CCDC3: variants seen among roughly 807,000 people sequenced by gnomAD.
CCDC3 encodes coiled-coil domain-containing protein 3.
A neutral mutation model predicts 21.4 loss-of-function variants in CCDC3; 24 were observed. The observed-to-expected ratio is 1.12, with a 90% CI of 0.81 to 1.58. CCDC3 has a LOEUF of 1.58. Among genes scored for constraint, CCDC3 ranks in the 40% most tolerant of loss-of-function variants. CCDC3 has a pLI of 0.00. For missense variants in CCDC3, 425 were observed against 360.9 expected, an observed-to-expected ratio of 1.18 and a Z score of -1.44; for synonymous variants, 186 against 166.0, an observed-to-expected ratio of 1.12 and a Z score of -0.93.
chr10:13,032,866 T>G (rs1055497657), intron 5 of CCDC3, among the ~76,000 whole-genome samples: 1 of 152,152 alleles, frequency 6.6e-6, no homozygotes, highest in African/African-American at 2.4e-5. Context: ...GGAAGAACAT[T>G]CCATGCTCGT....
intron 3 of CCDC3, among the ~76,000 whole-genome samples, chr10:13,088,481 T>C (rs548409401): frequency 6.6e-6 from 1 of 152,208 alleles, no homozygotes; most frequent in Non-Finnish European, 1.5e-5. Context: ...TTAGCACAAG[T>C]CTCCAAGGAG....
chr10:12,927,371 CTTAAAA>C (rs1190850750), intron 2 of CCDC3, among the ~76,000 whole-genome samples: 1 of 152,208 alleles, frequency 6.6e-6, no homozygotes, highest in Non-Finnish European at 1.5e-5. Flanking sequence ...CATTACCACA[CTTAAAA>C]TTAACAATTG....
intron 2 of CCDC3, among the ~76,000 whole-genome samples, chr10:12,954,822 A>G (rs954043610): frequency 1.3e-5 from 2 of 152,228 alleles, no homozygotes; most frequent in African/African-American, 4.8e-5. Context: ...GATATAACAC[A>G]TATTTTATAA....
chr10:13,074,201 A>C (rs1238149989), intron 3 of CCDC3: 3 of 139,532 alleles, frequency 2.2e-5, no homozygotes, highest in Admixed American at 1.5e-4. Flanking sequence ...CCTGTTGCCC[A>C]GGCTGGAGTG....
At chr10:12,909,035 G>A (rs1834222444) in intron 2 of CCDC3, among the ~76,000 whole-genome samples, 2 of 152,214 alleles carry the variant, frequency 1.3e-5, no homozygotes, top group African/African-American at 4.8e-5. Flanking sequence ...TGGTCTAGAT[G>A]CAAGGCTCCA....
intron 2 of CCDC3, chr10:13,098,710 A>ATTTTGTTTTTTTTTT (rs1832666858): frequency 1.5e-5 from 1 of 64,854 alleles, no homozygotes; most frequent in Non-Finnish European, 2.7e-5. Flanking sequence ...TCCTGCACTG[A>ATTTTGTTTTTTTTTT]TTTTTTTTTT....
chr10:13,056,547 C>T (rs1365638075), intron 4 of CCDC3, among the ~76,000 whole-genome samples: 2 of 152,142 alleles, frequency 1.3e-5, no homozygotes, highest in African/African-American at 2.4e-5. Context: ...AAGAGGAGGG[C>T]GAGTGCCTCA....
At chr10:12,939,248 C>G (rs886163964) in intron 2 of CCDC3, among the ~76,000 whole-genome samples, 3 of 152,204 alleles carry the variant, frequency 2.0e-5, no homozygotes, top group African/African-American at 7.2e-5. Context: ...AGGTAAATTC[C>G]TACTCCCGTG....
At chr10:12,919,747 C>T (rs1030080402) in intron 2 of CCDC3, among the ~76,000 whole-genome samples, 26 of 149,764 alleles carry the variant, frequency 1.7e-4, no homozygotes, top group South Asian at 2.2e-4. Flanking sequence ...ACAGAGTGCC[C>T]GGGGTGGGTG....
At chr10:12,948,735 T>G (rs11592879) in intron 2 of CCDC3, among the ~76,000 whole-genome samples, 128 of 116,472 alleles carry the variant, frequency 1.1e-3, no homozygotes, top group Middle Eastern at 4.3e-3. Flanking sequence ...GCAGTTTTTT[T>G]TTTTTTTTTT....
chr10:13,038,440 A>G (rs1836407427), intron 5 of CCDC3, among the ~76,000 whole-genome samples: 1 of 152,168 alleles, frequency 6.6e-6, no homozygotes, highest in African/African-American at 2.4e-5. Context: ...GCAAAGAGAA[A>G]GAGCAGCCTA....
chr10:12,991,063 G>T (rs1007513868), intron 2 of CCDC3, among the ~76,000 whole-genome samples: 1 of 152,144 alleles, frequency 6.6e-6, no homozygotes, highest in African/African-American at 2.4e-5. Context: ...TTGACCAAAT[G>T]ATCTGTTAAA....
intron 5 of CCDC3, among the ~76,000 whole-genome samples, chr10:13,043,240 C>G (rs1181780681): frequency 6.6e-6 from 1 of 152,048 alleles, no homozygotes; most frequent in Non-Finnish European, 1.5e-5. Flanking sequence ...CCAGGAGCCC[C>G]CAGTGTCTAC....
At chr10:12,973,901 A>C (rs1835378151) in intron 2 of CCDC3, among the ~76,000 whole-genome samples, 1 of 139,812 alleles carries the variant, frequency 7.2e-6, no homozygotes. Context: ...GGAGACCTGG[A>C]ATTTTTTTTC....
intron 2 of CCDC3, among the ~76,000 whole-genome samples, chr10:12,967,002 G>C (rs1360300795): frequency 1.3e-5 from 2 of 152,150 alleles, no homozygotes; most frequent in Non-Finnish European, 2.9e-5. Context: ...GATCTCTTTT[G>C]CTGGAGTCCC....
chr10:12,903,011 T>C (rs760848505), intron 2 of CCDC3, among the ~76,000 whole-genome samples: 1 of 152,198 alleles, frequency 6.6e-6, no homozygotes, highest in Non-Finnish European at 1.5e-5. Context: ...TTGGTGAACA[T>C]GTCATTCTTT....
At chr10:13,034,152 C>A (rs1006782189) in intron 5 of CCDC3, among the ~76,000 whole-genome samples, 1 of 152,084 alleles carries the variant, frequency 6.6e-6, no homozygotes, top group African/African-American at 2.4e-5. Context: ...CCATGGAATA[C>A]TATACAGCCA....
intron 5 of CCDC3, among the ~76,000 whole-genome samples, chr10:13,047,647 G>A (rs1043919498): frequency 2.0e-5 from 3 of 152,152 alleles, no homozygotes; most frequent in South Asian, 4.2e-4. Flanking sequence ...AATCTGCTCC[G>A]GAGCCCAGTG....
chr10:13,021,274 T>C (rs976602770), intron 5 of CCDC3, among the ~76,000 whole-genome samples: 1 of 152,256 alleles, frequency 6.6e-6, no homozygotes, highest in African/African-American at 2.4e-5. Context: ...ACCATCATTT[T>C]CTCTCCATCT....
Sources: allele counts gnomAD v4.1 joint callset (sites outside exome capture counted in the v4.1 genomes callset), GRCh38; gene constraint gnomAD v4.1.1; transcripts MANE v1.5; gene names NCBI Gene and HGNC (gene_info 2026-07-23, HGNC 2026-07-21).